Variants in CRYZL1 observed in about 807,000 individuals in gnomAD.
CRYZL1 encodes the protein crystallin zeta like 1.
CRYZL1 carries 34 observed loss-of-function variants against 50.6 expected under a neutral mutation model. The observed-to-expected ratio is 0.67, with a 90% CI of 0.51 to 0.89. CRYZL1 has a LOEUF of 0.89. Among genes scored for constraint, CRYZL1 ranks in the 40% least tolerant of loss-of-function variants. CRYZL1 has a pLI of 0.00. For synonymous variants in CRYZL1, 125 were observed against 134.3 expected, an observed-to-expected ratio of 0.93 and a Z score of 0.48; for missense variants, 354 against 402.3, an observed-to-expected ratio of 0.88 and a Z score of 1.03.
intron 2 of CRYZL1, 117 bp from the exon 3 acceptor site, chr21:33,624,877 C>G: frequency 1.5e-6 from 2 of 1,329,706 alleles, no homozygotes; most frequent in Non-Finnish European, 2.0e-6. Context: ...CCCTAAATCT[C>G]ACAGCTAATT....
At chr21:33,609,951 G>A (rs921805765) in intron 6 of CRYZL1, among the ~76,000 whole-genome samples, 3 of 150,778 alleles carry the variant, frequency 2.0e-5, no homozygotes, top group East Asian at 2.0e-4. Context: ...TGATCCGCCC[G>A]CCTCGGCCTC....
rs115239390 is a variant in CRYZL1, at chr21:33,635,159, A to T, written c.-6-3602T>A. On this transcript the variant is annotated intron_variant, in intron 1 of 12. Coordinates refer to ENST00000381554, the MANE Select transcript of CRYZL1 (RefSeq NM_145858.3). ...GAGTTCCTAGTACTAGGAAAATGGT[A>T]GAATGGATGGTATTCAAGGCCCACA... Among the ~76,000 whole-genome samples the T allele has an allele frequency of 6.6e-3, 999 of 152,068 alleles. 11 individuals are homozygous for T. The highest frequency in any genetic ancestry group is 0.023 in the African/African-American group (962 of 41,558).
At chr21:33,616,812 T>C in intron 4 of CRYZL1, 62 bp from the exon 5 acceptor site, 2 of 1,337,224 alleles carry the variant, frequency 1.5e-6, no homozygotes, top group Non-Finnish European at 2.0e-6. Flanking sequence ...TTCTTATCTA[T>C]TAAAATACAT....
rs571783972 is a variant in CRYZL1 at position 33,627,548 on chromosome 21, A to T, written c.67-2788T>A. On this transcript the variant is annotated intron_variant, in intron 2 of 12. Coordinates refer to ENST00000381554, the MANE Select transcript of CRYZL1 (RefSeq NM_145858.3). ...GGAAGAATGATTTTGGCTTGCCACA[A>T]ATCTTTCTAATAATCACCAATACTG... 9.2e-5 allele frequency among the ~76,000 whole-genome samples: 14 copies of T among 152,306 alleles called. No homozygotes were observed. The East Asian group carries it at 2.7e-3, about 29-fold the overall frequency.
chr21:33,601,151 G>A (rs1386095372), intron 8 of CRYZL1, among the ~76,000 whole-genome samples: 2 of 146,062 alleles, frequency 1.4e-5, no homozygotes, highest in Non-Finnish European at 3.0e-5. Context: ...TGGCCAGGCT[G>A]GTCTTGAACT....
chr21:33,624,616 A>G (rs763784702), intron 3 of CRYZL1, 67 bp downstream of exon 3: 10 of 1,566,436 alleles, frequency 6.4e-6, no homozygotes, highest in Non-Finnish European at 8.6e-6. Context: ...AGTTATCGTT[A>G]TATTTATACA....
At position 33,613,599 on chromosome 21, in the gene CRYZL1, CA is replaced by C; in HGVS notation, c.269del (p.Leu90CysfsTer60). ...FQPDDEVVGILPLDSEDPGLC... is the reference protein window; with the variant it reads ...FQPDDEVVGIXPLDSEDPGLC... ...GTCCAGGGTCTTCAGAGTCCAGGGG[CA>C]AAATTCCTAAAAATCAAAACAAGAA... On this transcript the variant is annotated frameshift_variant, in exon 6 of 13. Coordinates refer to ENST00000381554, the MANE Select transcript of CRYZL1 (RefSeq NM_145858.3). LOFTEE classifies it high-confidence loss of function. 2 of 1,611,212 alleles carry C rather than the reference CA, an allele frequency of 1.2e-6. No homozygotes were observed. Among genetic ancestry groups the C allele is most frequent in the Non-Finnish European group, 1.7e-6 (2 of 1,177,632 alleles).
intron 4 of CRYZL1, among the ~76,000 whole-genome samples, chr21:33,618,041 G>C (rs572713889): frequency 1.6e-3 from 247 of 152,270 alleles, no homozygotes; most frequent in Non-Finnish European, 3.1e-3. Context: ...TGTAATCCCA[G>C]CACTTTGGGA....
chr21:33,595,615 G>A lies in CRYZL1; in HGVS notation c.904+116C>T, dbSNP rs979720158. On this transcript the variant is annotated intron_variant, in intron 11 of 12. Coordinates refer to ENST00000381554, the MANE Select transcript of CRYZL1 (RefSeq NM_145858.3). ...ATACTTGCAAGGCACTTGGAATACT[G>A]TTTGGAATACTTAAGGAAACTTAAC... 6 of 1,496,970 alleles carry A rather than the reference G, an allele frequency of 4.0e-6. No individual in the cohort carries two copies. In the African/African-American group the frequency reaches 5.6e-5, roughly 14 times the overall value. 92.7% of individuals were successfully genotyped at this position (1,496,970 alleles called of 1,614,324 possible).
chr21:33,636,630 T>C (rs921740156), intron 1 of CRYZL1, among the ~76,000 whole-genome samples: 1 of 152,290 alleles, frequency 6.6e-6, no homozygotes, highest in Admixed American at 6.5e-5. Flanking sequence ...AACGAGAACT[T>C]TGCATAAATT....
chr21:33,631,638 G>T (rs1180610897), intron 1 of CRYZL1, 81 bp from the exon 2 acceptor site: 2 of 900,808 alleles, frequency 2.2e-6, no homozygotes, highest in Non-Finnish European at 3.1e-6. Flanking sequence ...AACAGTGCTG[G>T]CAAAGGATAA....
At chr21:33,635,545 G>A (rs1347097583) in intron 1 of CRYZL1, among the ~76,000 whole-genome samples, 6 of 151,278 alleles carry the variant, frequency 4.0e-5, no homozygotes, top group Non-Finnish European at 8.9e-5. Context: ...TAGTACAGAC[G>A]GGGTTTCACC....
At position 33,613,449 on chromosome 21, in the gene CRYZL1, G is replaced by A. The variant is rs1601337209; in HGVS notation, c.331+89C>T. 4 of 891,558 alleles carry A rather than the reference G, an allele frequency of 4.5e-6. No individual in the cohort carries two copies. The Admixed American group carries it at 6.4e-5, about 14-fold the overall frequency. 55.2% of individuals were successfully genotyped at this position (891,558 alleles called of 1,614,324 possible). A position where few individuals can be genotyped will look rare whatever the true frequency, so the allele number is the denominator to read the frequency against. Reference sequence around the variant, plus strand: ...ATACTTTATTAAGTACAACACTTATGGTAGATTCAAAAAAATTAAAATGTT... The same window carrying A: ...ATACTTTATTAAGTACAACACTTATAGTAGATTCAAAAAAATTAAAATGTT... On this transcript the variant is annotated intron_variant, in intron 6 of 12. Coordinates refer to ENST00000381554, the MANE Select transcript of CRYZL1 (RefSeq NM_145858.3).
chr21:33,622,146 G>GTA (rs1291217749), intron 3 of CRYZL1, 78 bp from the exon 4 acceptor site: 1 of 1,144,592 alleles, frequency 8.7e-7, no homozygotes, highest in Non-Finnish European at 1.3e-6. Context: ...GAAAGCGAGA[G>GTA]TAAAAGTCAA....
intron 6 of CRYZL1, among the ~76,000 whole-genome samples, chr21:33,608,917 A>G (rs1358592008): frequency 6.6e-6 from 1 of 152,170 alleles, no homozygotes; most frequent in African/African-American, 2.4e-5. Flanking sequence ...TTGATTTTTG[A>G]GGAACATTCA....
chr21:33,621,107 G>A lies in CRYZL1; in HGVS notation c.217+889C>T, dbSNP rs1346101465. 6.7e-5 allele frequency among the ~76,000 whole-genome samples: 10 copies of A among 148,802 alleles called. No individual in the cohort carries two copies. In the South Asian group the frequency reaches 1.5e-3, roughly 22 times the overall value. ...TTTTTAGTAGAGACAGGGTTTCACC[G>A]TGTTAGCCAGGATGGTCTCGATCTC... On this transcript the variant is annotated intron_variant, in intron 4 of 12. Transcript: ENST00000381554.
chr21:33,610,547 T>G (rs2086860575), intron 6 of CRYZL1, among the ~76,000 whole-genome samples: 1 of 152,152 alleles, frequency 6.6e-6, no homozygotes, highest in Non-Finnish European at 1.5e-5. Flanking sequence ...TTTCTGGACT[T>G]TAATCCATCC....
chr21:33,597,324 G>C lies in CRYZL1; in HGVS notation c.754C>G (p.Leu252Val). 6.2e-7 allele frequency: 1 copy of C among 1,612,336 alleles called. No homozygotes were observed. Residue 252 changes from leucine to valine, a missense_variant, in exon 10 of 13, where the codon CTT becomes GTT. Transcript: ENST00000381554. ...GTTACCCAGTGGCCTCCAACACCAAGAAGTGTGATGATATCATGTTTATGT... is the reference window on the plus strand; with the variant it reads ...GTTACCCAGTGGCCTCCAACACCAACAAGTGTGATGATATCATGTTTATGT... ...LPHKHDIITL[L>V]GVGGHWVTTE...
chr21:33,608,699 C>A (rs1455621104), intron 6 of CRYZL1, among the ~76,000 whole-genome samples: 1 of 152,158 alleles, frequency 6.6e-6, no homozygotes, highest in Non-Finnish European at 1.5e-5. Flanking sequence ...ACAAATGACA[C>A]AATTTCCTGC....
Sources: gnomAD v4.1 joint callset for allele counts (sites outside exome capture counted in the v4.1 genomes callset) on GRCh38, gnomAD v4.1.1 for gene constraint, MANE v1.5 for transcripts, NCBI Gene and HGNC (gene_info 2026-07-23, HGNC 2026-07-21) for gene names.